Variants in DGKB observed in about 807,000 individuals in gnomAD.
The protein encoded by DGKB is 90 kDa diacylglycerol kinase.
A neutral mutation model predicts 114.3 loss-of-function variants in DGKB; 67 were observed. The ratio of observed to expected loss-of-function variants is 0.59; its 90% confidence interval spans 0.48 to 0.72. The LOEUF (loss-of-function observed/expected upper bound fraction) is 0.72, where lower values mean the gene tolerates loss of function less well. Ranked by LOEUF, DGKB falls within the 30% of genes least tolerant of loss-of-function variation. The pLI is 0.00. For synonymous variants in DGKB, 398 were observed against 323.1 expected (o/e 1.23, Z -2.49); for missense variants, 907 against 975.2 (o/e 0.93, Z 0.93).
At chr7:14,520,210 A>ATTTTT (rs386409562) in intron 20 of DGKB, among the ~76,000 whole-genome samples, 39,036 of 118,424 alleles carry the variant, frequency 0.33, 6,719 homozygotes, top group Admixed American at 0.42. Context: ...CTTTTTTCCT[A>ATTTTT]TTTTTTTTTT....
At chr7:14,751,884 C>A (rs561222615) in intron 4 of DGKB, among the ~76,000 whole-genome samples, 1 of 152,178 alleles carries the variant, frequency 6.6e-6, no homozygotes, top group Non-Finnish European at 1.5e-5. Flanking sequence ...TTCTCTAGAA[C>A]TTTTCTATGA....
At chr7:14,411,518 T>C (rs1199797175) in intron 21 of DGKB, among the ~76,000 whole-genome samples, 4 of 152,194 alleles carry the variant, frequency 2.6e-5, no homozygotes, top group South Asian at 2.1e-4. Context: ...ACAAGTCTTA[T>C]GGTAATCAGA....
chr7:14,553,756 T>A (rs948559858), intron 20 of DGKB, among the ~76,000 whole-genome samples: 2 of 152,062 alleles, frequency 1.3e-5, no homozygotes, highest in Non-Finnish European at 2.9e-5. Context: ...ATTAAGAAGT[T>A]TTATTTCTCT....
At chr7:14,598,634 T>A (rs1368733233) in intron 17 of DGKB, among the ~76,000 whole-genome samples, 1 of 152,236 alleles carries the variant, frequency 6.6e-6, no homozygotes, top group Admixed American at 6.5e-5. Flanking sequence ...AACTATTTTT[T>A]GTTTTGAAAT....
chr7:14,973,059 T>G (rs1188199251), intron 1 of DGKB, among the ~76,000 whole-genome samples: 1 of 152,010 alleles, frequency 6.6e-6, no homozygotes, highest in East Asian at 1.9e-4. Flanking sequence ...AGGCTTATTT[T>G]AAAATAGAAA....
At chr7:14,624,141 G>T (rs541104468) in intron 14 of DGKB, among the ~76,000 whole-genome samples, 1 of 152,012 alleles carries the variant, frequency 6.6e-6, no homozygotes, top group African/African-American at 2.4e-5. Flanking sequence ...CAGTGGTTAC[G>T]TCAGGAACAT....
At chr7:14,959,863 C>T (rs1037432973) in intron 1 of DGKB, among the ~76,000 whole-genome samples, 7 of 151,696 alleles carry the variant, frequency 4.6e-5, no homozygotes, top group Non-Finnish European at 8.8e-5. Flanking sequence ...TGTCTATATA[C>T]CTAAAAATAT....
At chr7:14,793,311 C>T (rs1389188346) in intron 2 of DGKB, among the ~76,000 whole-genome samples, 1 of 152,116 alleles carries the variant, frequency 6.6e-6, no homozygotes, top group Non-Finnish European at 1.5e-5. Context: ...GCTCCCCCGC[C>T]AATCCTGCCT....
At chr7:14,536,392 C>A (rs566360405) in intron 20 of DGKB, among the ~76,000 whole-genome samples, 4 of 152,154 alleles carry the variant, frequency 2.6e-5, no homozygotes, top group Admixed American at 2.0e-4. Context: ...CCCTAATTAA[C>A]CTGGATGCAA....
At chr7:14,903,705 T>C (rs1024101644), upstream of DGKB, among the ~76,000 whole-genome samples, 8 of 151,176 alleles carry the variant, frequency 5.3e-5, no homozygotes, top group Admixed American at 1.3e-4. Context: ...AGAAACTCTA[T>C]GTATGTGTAA....
upstream of DGKB, among the ~76,000 whole-genome samples, chr7:14,904,886 A>G (rs764324710): frequency 9.2e-5 from 14 of 152,186 alleles, no homozygotes; most frequent in Non-Finnish European, 4.4e-5. Context: ...TCTCTAGCAC[A>G]TAGAAATACA....
At chr7:14,663,668 G>A (rs58881463) in intron 13 of DGKB, among the ~76,000 whole-genome samples, 304 of 60,298 alleles carry the variant, frequency 5.0e-3, no homozygotes, top group Middle Eastern at 0.042. Context: ...CCTCCTTCCC[G>A]CTCCCCTCCC....
chr7:14,831,496 A>C (rs1040937198), intron 2 of DGKB, among the ~76,000 whole-genome samples: 6 of 152,062 alleles, frequency 3.9e-5, no homozygotes, highest in Non-Finnish European at 7.4e-5. Context: ...GCTTTATAAA[A>C]GACTCAGATT....
intron 17 of DGKB, among the ~76,000 whole-genome samples, chr7:14,587,871 T>C (rs1366927803): frequency 6.6e-6 from 1 of 152,168 alleles, no homozygotes; most frequent in African/African-American, 2.4e-5. Flanking sequence ...AGTATAAACA[T>C]AACTTTTATA....
intron 25 of DGKB, among the ~76,000 whole-genome samples, chr7:14,169,427 C>T (rs1780512297): frequency 2.0e-5 from 3 of 149,696 alleles, no homozygotes; most frequent in South Asian, 4.2e-4. Context: ...GAAGAAGCCA[C>T]AGATTTGGAG....
At chr7:14,227,905 A>G (rs369819588) in intron 23 of DGKB, among the ~76,000 whole-genome samples, 3 of 152,070 alleles carry the variant, frequency 2.0e-5, no homozygotes, top group African/African-American at 7.2e-5. Flanking sequence ...ATGCCACAAG[A>G]AAATATAAAA....
chr7:14,857,193 T>G (rs372313578), intron 1 of DGKB, among the ~76,000 whole-genome samples: 6 of 121,812 alleles, frequency 4.9e-5, no homozygotes, highest in Admixed American at 1.7e-4. Context: ...GCAAGGAAGA[T>G]CTCTCTCTCT....
upstream of DGKB, among the ~76,000 whole-genome samples, chr7:14,905,919 C>G (rs928103213): frequency 6.6e-6 from 1 of 152,146 alleles, no homozygotes; most frequent in Non-Finnish European, 1.5e-5. Context: ...CGTCTTTTTT[C>G]TGCTGCTAAA....
intron 21 of DGKB, among the ~76,000 whole-genome samples, chr7:14,423,011 A>T (rs1373035432): frequency 2.0e-5 from 3 of 152,032 alleles, no homozygotes; most frequent in African/African-American, 7.2e-5. Flanking sequence ...AACTATTGGC[A>T]GTGCTGGGAC....
Sources: allele counts gnomAD v4.1 joint callset (sites outside exome capture counted in the v4.1 genomes callset), GRCh38; gene constraint gnomAD v4.1.1; transcripts MANE v1.5; gene names NCBI Gene and HGNC (gene_info 2026-07-23, HGNC 2026-07-21).